AGPS: variants seen among roughly 807,000 people sequenced by gnomAD.
AGPS encodes alkylglycerone phosphate synthase.
Under a neutral mutation model 90.7 loss-of-function variants are expected in AGPS, and 26 were observed. The ratio of observed to expected loss-of-function variants is 0.29; its 90% CI spans 0.21 to 0.40. AGPS has a LOEUF of 0.40. AGPS is among the 10% of genes least tolerant of loss of function. The pLI is 1.00. For missense variants in AGPS, 540 were observed against 816.1 expected (o/e 0.66, Z 4.12); for synonymous variants, 294 against 285.3 (o/e 1.03, Z -0.31).
intron 19 of AGPS, among the ~76,000 whole-genome samples, chr2:177,535,236 A>G (rs1279890459): frequency 6.6e-6 from 1 of 152,216 alleles, no homozygotes; most frequent in Non-Finnish European, 1.5e-5. Flanking sequence ...ATCACATACA[A>G]GGTAAATTGA....
At chr2:177,439,112 A>G (rs929741110) in intron 5 of AGPS, among the ~76,000 whole-genome samples, 2 of 152,180 alleles carry the variant, frequency 1.3e-5, no homozygotes, top group East Asian at 3.8e-4. Context: ...CAATTACTTC[A>G]CTTATTAAAT....
chr2:177,520,388 G>T (rs568936337), intron 17 of AGPS, among the ~76,000 whole-genome samples: 1 of 152,314 alleles, frequency 6.6e-6, no homozygotes, highest in East Asian at 1.9e-4. Context: ...ACTTTAGTCA[G>T]TGTTTGCATG....
At chr2:177,420,463 A>T (rs969458750) in intron 2 of AGPS, 105 bp downstream of exon 2, 22 of 855,746 alleles carry the variant, frequency 2.6e-5, no homozygotes, top group Non-Finnish European at 3.5e-5. Context: ...GAGTTTAAAC[A>T]TTATCAACAT....
At chr2:177,501,111 T>C (rs965177225) in intron 14 of AGPS, among the ~76,000 whole-genome samples, 3 of 152,228 alleles carry the variant, frequency 2.0e-5, no homozygotes, top group African/African-American at 7.2e-5. Context: ...AAATTGTTCA[T>C]TGTGTATTTA....
chr2:177,393,168 C>G, intron 1 of AGPS, 119 bp downstream of exon 1: 3 of 1,547,216 alleles, frequency 1.9e-6, no homozygotes, highest in African/African-American at 1.4e-5. Flanking sequence ...CATCCCGGTC[C>G]CTGAAAGTAG....
intron 1 of AGPS, among the ~76,000 whole-genome samples, chr2:177,404,751 C>T (rs1170155171): frequency 6.6e-6 from 1 of 151,866 alleles, no homozygotes; most frequent in East Asian, 1.9e-4. Flanking sequence ...TTTGTTTTGC[C>T]TTCACAAATT....
chr2:177,450,303 G>A (rs1312781148), intron 8 of AGPS, among the ~76,000 whole-genome samples: 1 of 152,046 alleles, frequency 6.6e-6, no homozygotes, highest in Non-Finnish European at 1.5e-5. Context: ...GACCAGCTGT[G>A]TTTAATTTTT....
At chr2:177,466,410 G>A (rs2105672565) in intron 9 of AGPS, among the ~76,000 whole-genome samples, 1 of 152,360 alleles carries the variant, frequency 6.6e-6, no homozygotes, top group South Asian at 2.1e-4. Flanking sequence ...TCCAGTCCGT[G>A]GAACTGGCAG....
At chr2:177,433,438 G>A (rs1336059438) in intron 2 of AGPS, among the ~76,000 whole-genome samples, 3 of 151,988 alleles carry the variant, frequency 2.0e-5, no homozygotes, top group Non-Finnish European at 4.4e-5. Flanking sequence ...TATTCACCAG[G>A]AGTACATTTT....
intron 11 of AGPS, among the ~76,000 whole-genome samples, chr2:177,491,906 C>T (rs1402045811): frequency 6.6e-6 from 1 of 151,938 alleles, no homozygotes; most frequent in Non-Finnish European, 1.5e-5. Context: ...ATGCCTCAGC[C>T]TCCCAAGTAG....
intron 2 of AGPS, among the ~76,000 whole-genome samples, chr2:177,433,776 T>A (rs1196682777): frequency 2.0e-5 from 3 of 152,080 alleles, no homozygotes; most frequent in African/African-American, 7.2e-5. Flanking sequence ...CCTGTCCAGT[T>A]TTTTTTTAAG....
chr2:177,409,388 C>CTTTTTTTTTTTTTTTTTTTTTTTTTT (rs11305352), intron 1 of AGPS, among the ~76,000 whole-genome samples: 1 of 144,462 alleles, frequency 6.9e-6, no homozygotes, highest in African/African-American at 2.6e-5. Flanking sequence ...TATGATTTGA[C>CTTTTTTTTTTTTTTTTTTTTTTTTTT]TTTTTTTTTT....
At chr2:177,507,221 C>T (rs1453315531) in intron 15 of AGPS, among the ~76,000 whole-genome samples, 1 of 151,960 alleles carries the variant, frequency 6.6e-6, no homozygotes, top group African/African-American at 2.4e-5. Flanking sequence ...TGAAATGACT[C>T]ATTTTACTTG....
intron 11 of AGPS, among the ~76,000 whole-genome samples, chr2:177,485,322 A>G (rs905740086): frequency 2.0e-5 from 3 of 152,174 alleles, no homozygotes; most frequent in African/African-American, 7.2e-5. Flanking sequence ...ATCTATCTTA[A>G]ATTTCATTAA....
chr2:177,499,615 T>C lies in AGPS; in HGVS notation c.1363-3T>C. On this transcript the variant is annotated splice_polypyrimidine_tract_variant and splice_region_variant and intron_variant, in intron 13 of 19. Transcript: ENST00000264167. The stretch of plus-strand genomic sequence containing the variant: ...GTAATAATAAATTTTTTTTTTTTTG[T>C]AGTTTAAAGGATTTGACCCAAATCA... 1 of 1,577,338 alleles carries C rather than the reference T, an allele frequency of 6.3e-7. No individual in the cohort carries two copies. The highest frequency in any genetic ancestry group is 1.7e-5 in the Admixed American group (1 of 59,424).
intron 1 of AGPS, among the ~76,000 whole-genome samples, chr2:177,395,689 C>G (rs1440888683): frequency 6.6e-6 from 1 of 152,078 alleles, no homozygotes; most frequent in East Asian, 1.9e-4. Flanking sequence ...GTGAGTATGC[C>G]TATATGTCAA....
intron 1 of AGPS, among the ~76,000 whole-genome samples, chr2:177,417,054 G>A (rs972510729): frequency 1.3e-5 from 2 of 152,106 alleles, no homozygotes; most frequent in African/African-American, 4.8e-5. Flanking sequence ...GGAAGTATAG[G>A]GAATTTGGCT....
chr2:177,430,786 C>T (rs1331124080), intron 2 of AGPS, among the ~76,000 whole-genome samples: 1 of 152,046 alleles, frequency 6.6e-6, no homozygotes, highest in Non-Finnish European at 1.5e-5. Context: ...ACAGCTGCTT[C>T]TAATCAGCCA....
intron 8 of AGPS, among the ~76,000 whole-genome samples, chr2:177,454,603 TTATTTTTAATTTTA>T (rs1377939488): frequency 2.6e-5 from 4 of 150,968 alleles, no homozygotes; most frequent in African/African-American, 9.7e-5. Flanking sequence ...TATTTTATTT[TTATTTTTAATTTTA>T]TATTTTTAAT....
Sources: gnomAD v4.1 joint callset for allele counts (sites outside exome capture counted in the v4.1 genomes callset) on GRCh38, gnomAD v4.1.1 for gene constraint, MANE v1.5 for transcripts, NCBI Gene and HGNC (gene_info 2026-07-23, HGNC 2026-07-21) for gene names.